Variants in STK33 observed in about 807,000 individuals in gnomAD.
STK33 encodes the protein serine/threonine kinase 33.
STK33 carries 52 observed loss-of-function variants against 58.0 expected under a neutral mutation model. The ratio of observed to expected loss-of-function variants is 0.90; its 90% CI spans 0.72 to 1.13. The LOEUF is 1.13. Among genes scored for constraint, STK33 ranks in the 50% most tolerant of loss-of-function variants. The probability of loss-of-function intolerance (pLI) is 0.00; values close to 1 mark genes in which losing one functional copy is unlikely to be tolerated. For missense variants in STK33, 630 were observed against 604.2 expected, an observed-to-expected ratio of 1.04 and a Z score of -0.45; for synonymous variants, 215 against 200.1, an observed-to-expected ratio of 1.07 and a Z score of -0.63.
chr11:8,486,098 G>A (rs1950174531), intron 1 of STK33, among the ~76,000 whole-genome samples: 1 of 152,066 alleles, frequency 6.6e-6, no homozygotes, highest in South Asian at 2.1e-4. Context: ...TGGTCAACCT[G>A]ACTCCAACTA....
intron 5 of STK33, 73 bp downstream of exon 5, chr11:8,474,608 T>C: frequency 9.4e-7 from 1 of 1,067,776 alleles, no homozygotes; most frequent in East Asian, 2.5e-5. Context: ...TCATGGGATA[T>C]GGATGAAGCT....
At chr11:8,575,787 T>C (rs907950546) in intron 1 of STK33, among the ~76,000 whole-genome samples, 1 of 152,098 alleles carries the variant, frequency 6.6e-6, no homozygotes, top group Non-Finnish European at 1.5e-5. Flanking sequence ...CCAAGTAGGG[T>C]TCATCCTAAA....
At chr11:8,435,794 T>C (rs765672846) in intron 13 of STK33, among the ~76,000 whole-genome samples, 2 of 152,222 alleles carry the variant, frequency 1.3e-5, no homozygotes, top group African/African-American at 2.4e-5. Context: ...TAGTAAACAT[T>C]AGCTAGATGA....
intron 1 of STK33, among the ~76,000 whole-genome samples, chr11:8,494,400 C>A (rs370880189): frequency 1.3e-5 from 2 of 152,052 alleles, no homozygotes; most frequent in Non-Finnish European, 2.9e-5. Flanking sequence ...ATGTGAAGGA[C>A]CTCTTCAAGG....
chr11:8,454,750 G>C lies in STK33; in HGVS notation c.780C>G (p.Asn260Lys). 6.4e-7 allele frequency: 1 copy of C among 1,568,806 alleles called. No homozygotes were observed. ...CCACCATTGCTAATCTTACCTTTAT[G>C]TTTAAGTTTATTTCATTGTTATCAT... ...LIDDNNEINL[N>K]IKVTDFGLAV... Residue 260 changes from asparagine to lysine, a missense_variant, in exon 10 of 16, where the codon AAC (asparagine) becomes AAG (lysine). Asn to Lys is a moderately conservative substitution (Grantham distance 94). Transcript: ENST00000687296.
At chr11:8,542,374 C>T (rs1012586030) in intron 1 of STK33, among the ~76,000 whole-genome samples, 1 of 152,112 alleles carries the variant, frequency 6.6e-6, no homozygotes, top group South Asian at 2.1e-4. Flanking sequence ...ACACAAAATA[C>T]ATTTCAAAAA....
At chr11:8,583,007 G>A (rs1391926243) in intron 1 of STK33, among the ~76,000 whole-genome samples, 2 of 152,152 alleles carry the variant, frequency 1.3e-5, no homozygotes, top group East Asian at 3.9e-4. Context: ...TCCAATGACT[G>A]GGAACCCATT....
At chr11:8,537,624 G>T (rs868084140) in intron 1 of STK33, among the ~76,000 whole-genome samples, 1 of 151,698 alleles carries the variant, frequency 6.6e-6, no homozygotes, top group Middle Eastern at 3.2e-3. Flanking sequence ...AAATGGACAT[G>T]TGCCAAGCGC....
chr11:8,452,333 A>AT lies in STK33; in HGVS notation c.871+488dup, dbSNP rs1476533202. Among the ~76,000 whole-genome samples, 6 of 152,288 alleles carry AT rather than the reference A, an allele frequency of 3.9e-5. No homozygotes were observed. In the East Asian group the frequency reaches 7.7e-4, roughly 20 times the overall value. On this transcript the variant is annotated intron_variant, in intron 11 of 15. Coordinates refer to ENST00000687296, the MANE Select transcript of STK33 (RefSeq NM_001352389.2). ...AAGAAGAGCCCAGAGAAATAACAAA[A>AT]TTTTTTTAAATCTTTAAAGGTAGGA...
At chr11:8,560,217 G>A (rs1957028931) in intron 1 of STK33, among the ~76,000 whole-genome samples, 2 of 152,076 alleles carry the variant, frequency 1.3e-5, no homozygotes, top group African/African-American at 4.8e-5. Context: ...ATGTCAGACT[G>A]CCCTCAAGAA....
intron 8 of STK33, 63 bp from the exon 9 acceptor site, chr11:8,457,542 TA>T: frequency 7.5e-7 from 1 of 1,334,490 alleles, no homozygotes. Context: ...TTTAAAATGT[TA>T]TATATCACAT....
chr11:8,402,894 A>G (rs549987975), intron 15 of STK33, among the ~76,000 whole-genome samples: 1 of 152,170 alleles, frequency 6.6e-6, no homozygotes, highest in Non-Finnish European at 1.5e-5. Flanking sequence ...TTCTTCTCTC[A>G]TAGCTGGAGG....
At chr11:8,375,427 T>C in the STK33 span, among the ~76,000 whole-genome samples, 2 of 152,214 alleles carry the variant, frequency 1.3e-5, no homozygotes, top group African/African-American at 4.8e-5. Flanking sequence ...TTATTGGTGA[T>C]ATACTCCTGG....
At chr11:8,509,295 T>C (rs1017956737) in intron 1 of STK33, among the ~76,000 whole-genome samples, 4 of 152,190 alleles carry the variant, frequency 2.6e-5, no homozygotes, top group African/African-American at 7.2e-5. Context: ...TCCATGTGAC[T>C]ATAGTCGACT....
intron 1 of STK33, among the ~76,000 whole-genome samples, chr11:8,494,890 A>G (rs1283417856): frequency 6.6e-6 from 1 of 152,246 alleles, no homozygotes; most frequent in Non-Finnish European, 1.5e-5. Flanking sequence ...CTGGTTAGCC[A>G]TATGTAGAAA....
intron 1 of STK33, among the ~76,000 whole-genome samples, chr11:8,540,417 T>G (rs67836646): frequency 0.14 from 21,130 of 151,980 alleles, 1,824 homozygotes; most frequent in South Asian, 0.29. Flanking sequence ...TCCAGGAGTT[T>G]GAATGAGCTA....
chr11:8,533,242 A>C (rs1187526152), intron 1 of STK33: 1 of 152,254 alleles, frequency 6.6e-6, no homozygotes, highest in Non-Finnish European at 1.5e-5. Context: ...AGCAGAAATT[A>C]CATTTCAAGA....
At chr11:8,414,377 G>T (rs1028147167) in intron 14 of STK33, among the ~76,000 whole-genome samples, 1 of 152,060 alleles carries the variant, frequency 6.6e-6, no homozygotes, top group Non-Finnish European at 1.5e-5. Context: ...AATAGCTCCT[G>T]CTTGATTAGG....
chr11:8,486,374 T>G (rs1243349077), intron 1 of STK33, among the ~76,000 whole-genome samples: 2 of 151,916 alleles, frequency 1.3e-5, no homozygotes, highest in Non-Finnish European at 2.9e-5. Flanking sequence ...AATCCAGTGC[T>G]TTCTCTAGGC....
Sources: allele counts gnomAD v4.1 joint callset (sites outside exome capture counted in the v4.1 genomes callset), GRCh38; gene constraint gnomAD v4.1.1; transcripts MANE v1.5; gene names NCBI Gene and HGNC (gene_info 2026-07-23, HGNC 2026-07-21).